Variants in CR1 observed in about 807,000 individuals in gnomAD.
CR1 encodes complement receptor type 1.
CR1 carries 116 observed loss-of-function variants against 187.3 expected under a neutral mutation model. The observed-to-expected ratio is 0.62, with a 90% confidence interval of 0.53 to 0.72. The LOEUF is 0.72. Ranked by LOEUF, CR1 falls within the 30% of genes least tolerant of loss-of-function variation. The probability of loss-of-function intolerance (pLI) is 0.00; values close to 1 mark genes in which losing one functional copy is unlikely to be tolerated. For synonymous variants in CR1, 576 were observed against 747.1 expected, an observed-to-expected ratio of 0.77 and a Z score of 3.73; for missense variants, 1,731 against 2,110.7, an observed-to-expected ratio of 0.82 and a Z score of 3.52.
At chr1:207,586,876 A>G (rs1661126671) in intron 33 of CR1, among the ~76,000 whole-genome samples, 1 of 152,162 alleles carries the variant, frequency 6.6e-6, no homozygotes, top group South Asian at 2.1e-4. Context: ...CATTATTCCA[A>G]ATAAGTTTCT....
chr1:207,627,365 T>C (rs1190773833), intron 45 of CR1, among the ~76,000 whole-genome samples: 2 of 152,242 alleles, frequency 1.3e-5, no homozygotes, highest in Non-Finnish European at 1.5e-5. Context: ...AAATCTAAAC[T>C]GTCCCTGGGA....
At chr1:207,512,072 T>C (rs913859796) in intron 4 of CR1, among the ~76,000 whole-genome samples, 8 of 152,198 alleles carry the variant, frequency 5.3e-5, no homozygotes, top group South Asian at 2.1e-4. Context: ...AAAGGCCCCA[T>C]GCACTATAAA....
intron 35 of CR1, chr1:207,606,324 G>T (rs1011293790): frequency 1.3e-5 from 2 of 152,222 alleles, no homozygotes; most frequent in Admixed American, 1.3e-4. Context: ...GGAAAGGTGA[G>T]AAGTGAAACC....
chr1:207,617,692 C>CATAGCTCA (rs1662190284), intron 41 of CR1, among the ~76,000 whole-genome samples: 1 of 42,798 alleles, frequency 2.3e-5, no homozygotes. Flanking sequence ...TAGCTCATTC[C>CATAGCTCA]TTTGATATAT....
intron 42 of CR1, 57 bp downstream of exon 42, chr1:207,618,304 T>C (rs965918297): frequency 4.0e-6 from 6 of 1,514,590 alleles, no homozygotes; most frequent in Non-Finnish European, 5.4e-6. Context: ...TGCATGAGGC[T>C]TGTAAGGCTG....
chr1:207,565,369 T>A (rs1178967244), intron 23 of CR1, among the ~76,000 whole-genome samples: 2 of 150,458 alleles, frequency 1.3e-5, no homozygotes, highest in Non-Finnish European at 2.9e-5. Flanking sequence ...CTTCACGCCA[T>A]CACAGATGTG....
intron 4 of CR1, among the ~76,000 whole-genome samples, chr1:207,515,018 CACACACACAT>C (rs1659744862): frequency 1.4e-5 from 2 of 146,064 alleles, no homozygotes; most frequent in Admixed American, 1.4e-4. Flanking sequence ...CACACACACA[CACACACACAT>C]ATATACATAT....
At chr1:207,572,954 A>G (rs1367270933) in intron 27 of CR1, among the ~76,000 whole-genome samples, 1 of 151,966 alleles carries the variant, frequency 6.6e-6, no homozygotes, top group Non-Finnish European at 1.5e-5. Context: ...CCCTTTTAAT[A>G]AGGACACCAG....
chr1:207,601,458 T>G (rs1355898001), intron 35 of CR1, among the ~76,000 whole-genome samples: 1 of 152,172 alleles, frequency 6.6e-6, no homozygotes, highest in East Asian at 1.9e-4. Context: ...CTGGGGGATA[T>G]GGTAATTCTG....
chr1:207,519,585 C>T (rs553610746), intron 4 of CR1, among the ~76,000 whole-genome samples: 1 of 152,174 alleles, frequency 6.6e-6, no homozygotes, highest in African/African-American at 2.4e-5. Flanking sequence ...TAGTTAATTC[C>T]ATTTATGTCC....
chr1:207,612,904 T>C (rs1229037674), intron 39 of CR1, among the ~76,000 whole-genome samples: 1 of 152,226 alleles, frequency 6.6e-6, no homozygotes. Flanking sequence ...AGCACACTAA[T>C]GGCTCTTAGC....
intron 35 of CR1, among the ~76,000 whole-genome samples, chr1:207,602,909 A>C (rs1232094378): frequency 6.6e-6 from 1 of 152,150 alleles, no homozygotes; most frequent in African/African-American, 2.4e-5. Context: ...CAACAGAAAC[A>C]AAATCATCTA....
Position 207,611,906 on chromosome 1 carries a change from G to C in CR1, c.6473-33G>C, listed in dbSNP as rs368346282. On this transcript the variant is annotated intron_variant, in intron 38 of 46. Transcript: ENST00000367049. ...GCTCTGTTTTCCCCTTCACATGGAG[G>C]ACTTACTCCTGTTGTTTTATTTTTT... 2.9e-5 allele frequency: 46 copies of C among 1,613,806 alleles called. No homozygotes were observed. In the African/African-American group the frequency reaches 4.7e-4, roughly 16 times the overall value.
In CR1 at chr1:207,583,831, C is replaced by T. The variant is rs140144058; in HGVS notation, c.5303-818C>T. Among the ~76,000 whole-genome samples the T allele has an allele frequency of 4.2e-3, 645 of 152,148 alleles. 7 individuals are homozygous for T. Among genetic ancestry groups the T allele is most frequent in the African/African-American group, 0.015 (618 of 41,522 alleles). Reference sequence around the variant, plus strand: ...CATGAACCCAACATATACCTGAAATCGCTTACTAGAGTGTAAACATTGGTT... The same window carrying T: ...CATGAACCCAACATATACCTGAAATTGCTTACTAGAGTGTAAACATTGGTT... On this transcript the variant is annotated intron_variant, in intron 32 of 46. Coordinates refer to ENST00000367049, the MANE Select transcript of CR1 (RefSeq NM_000651.6).
At chr1:207,598,476 G>A (rs1661511693) in intron 35 of CR1, among the ~76,000 whole-genome samples, 1 of 151,130 alleles carries the variant, frequency 6.6e-6, no homozygotes, top group Non-Finnish European at 1.5e-5. Context: ...CTGGAGTGCA[G>A]TGGCACTATC....
chr1:207,579,224 C>T (rs574701021), intron 29 of CR1, among the ~76,000 whole-genome samples: 1 of 152,292 alleles, frequency 6.6e-6, no homozygotes, highest in East Asian at 1.9e-4. Flanking sequence ...TTTTTGATGG[C>T]TCATCTTGTC....
chr1:207,614,620 G>A, intron 40 of CR1, 131 bp downstream of exon 40: 1 of 634,754 alleles, frequency 1.6e-6, no homozygotes, highest in South Asian at 2.0e-5. Flanking sequence ...CTTCTTTGTT[G>A]GAAGAATTTC....
At chr1:207,630,436 A>T in intron 45 of CR1, 81 bp from the exon 46 acceptor site, 1 of 907,458 alleles carries the variant, frequency 1.1e-6, no homozygotes, top group Non-Finnish European at 1.6e-6. Context: ...CTTAAATTTC[A>T]AAATGCAAAT....
intron 4 of CR1, among the ~76,000 whole-genome samples, chr1:207,519,401 AT>A (rs1659902668): frequency 1.3e-5 from 2 of 151,920 alleles, no homozygotes; most frequent in Admixed American, 6.6e-5. Context: ...CATTTCTCAC[AT>A]TTTTTAATTC....
Sources: gnomAD v4.1 joint callset for allele counts (sites outside exome capture counted in the v4.1 genomes callset) on GRCh38, gnomAD v4.1.1 for gene constraint, MANE v1.5 for transcripts, NCBI Gene and HGNC (gene_info 2026-07-23, HGNC 2026-07-21) for gene names.